The following CDH13 variants were observed in gnomAD, a reference collection of about 807,000 sequenced individuals.
The protein encoded by CDH13 is cadherin-13.
In CDH13, 24 loss-of-function variants were observed where a neutral mutation model predicts 63.8. The ratio of observed to expected loss-of-function variants is 0.38; its 90% CI spans 0.27 to 0.53. The LOEUF (loss-of-function observed/expected upper bound fraction) is 0.53. CDH13 is among the 20% of genes least tolerant of loss of function. The probability of loss-of-function intolerance (pLI) is 0.85; values close to 1 mark genes in which losing one functional copy is unlikely to be tolerated. For missense variants in CDH13, 1,049 were observed against 903.1 expected (o/e 1.16, Z -2.07); for synonymous variants, 503 against 355.3 (o/e 1.42, Z -4.67).
At chr16:83,590,903 C>CTTTTT (rs34324940) in intron 7 of CDH13, among the ~76,000 whole-genome samples, 14 of 88,846 alleles carry the variant, frequency 1.6e-4, no homozygotes, top group Admixed American at 2.6e-4. Context: ...CCAGGGGATT[C>CTTTTT]TTTTTTTTTT....
At chr16:82,788,788 G>A (rs79351177) in intron 1 of CDH13, among the ~76,000 whole-genome samples, 1 of 152,172 alleles carries the variant, frequency 6.6e-6, no homozygotes, top group Non-Finnish European at 1.5e-5. Context: ...CTGGGATGTG[G>A]AGCCCAGGTG....
chr16:82,781,903 GT>G (rs368022545), intron 1 of CDH13, among the ~76,000 whole-genome samples: 1 of 152,228 alleles, frequency 6.6e-6, no homozygotes, highest in African/African-American at 2.4e-5. Flanking sequence ...GAACTGTGCC[GT>G]GTTGCTGTGG....
intron 6 of CDH13, among the ~76,000 whole-genome samples, chr16:83,368,085 T>G (rs1271157898): frequency 6.6e-6 from 1 of 152,232 alleles, no homozygotes; most frequent in Non-Finnish European, 1.5e-5. Flanking sequence ...TCATTGTTAT[T>G]ATATTTAATC....
intron 2 of CDH13, among the ~76,000 whole-genome samples, chr16:82,925,324 G>T (rs1214310499): frequency 2.0e-5 from 3 of 152,142 alleles, no homozygotes. Flanking sequence ...CGTTGTTACT[G>T]CAGATAATTG....
chr16:83,046,334 C>T (rs188909738), intron 3 of CDH13, among the ~76,000 whole-genome samples: 13 of 152,078 alleles, frequency 8.5e-5, no homozygotes, highest in East Asian at 3.9e-4. Flanking sequence ...TGTATGTAGG[C>T]GGCCATCAAA....
At chr16:83,214,110 CGTGGAAGCTTT>C (rs554761861) in intron 4 of CDH13, among the ~76,000 whole-genome samples, 166 of 152,092 alleles carry the variant, frequency 1.1e-3, no homozygotes, top group African/African-American at 3.9e-3. Flanking sequence ...CCTTCCACAC[CGTGGAAGCTTT>C]GTTCTTTCGC....
rs117758588 is a variant in CDH13, at chr16:83,666,544, C to T, written c.1102-4246C>T. Among the ~76,000 whole-genome samples, 1,429 of 152,342 alleles carry T rather than the reference C, an allele frequency of 9.4e-3. 17 individuals carry two copies. The highest frequency in any genetic ancestry group is 0.015 in the Non-Finnish European group (1,050 of 68,030). On this transcript the variant is annotated intron_variant, in intron 8 of 13. Transcript: ENST00000567109. ...GTAAATCCCAAATGCCTTCCCATGG[C>T]CCACAGGGCCCTGCATAAGGTGACT... is the stretch of plus-strand genomic sequence containing the variant.
At chr16:82,982,260 C>T (rs1043549537) in intron 2 of CDH13, among the ~76,000 whole-genome samples, 1 of 151,970 alleles carries the variant, frequency 6.6e-6, no homozygotes, top group Non-Finnish European at 1.5e-5. Context: ...TAATACTTAT[C>T]TTATAAATAA....
At chr16:83,042,118 C>A (rs909740467) in intron 3 of CDH13, among the ~76,000 whole-genome samples, 1 of 152,190 alleles carries the variant, frequency 6.6e-6, no homozygotes, top group African/African-American at 2.4e-5. Flanking sequence ...ACACCCGACA[C>A]GCTGCAGACA....
intron 12 of CDH13, among the ~76,000 whole-genome samples, chr16:83,781,178 T>G (rs931606121): frequency 1.3e-5 from 2 of 152,208 alleles, no homozygotes; most frequent in African/African-American, 4.8e-5. Context: ...ATTCAAAACT[T>G]AACCCAACTT....
At chr16:83,187,606 C>G (rs2038566112) in intron 4 of CDH13, among the ~76,000 whole-genome samples, 1 of 152,046 alleles carries the variant, frequency 6.6e-6, no homozygotes, top group South Asian at 2.1e-4. Flanking sequence ...CAACCCGCAG[C>G]TCTGGAGTGA....
At chr16:83,790,548 C>T (rs1282252818) in intron 13 of CDH13, among the ~76,000 whole-genome samples, 3 of 152,134 alleles carry the variant, frequency 2.0e-5, no homozygotes, top group Non-Finnish European at 2.9e-5. Flanking sequence ...TACAAGCGCC[C>T]GCCACCATGC....
intron 7 of CDH13, among the ~76,000 whole-genome samples, chr16:83,535,678 T>C (rs2075168806): frequency 6.6e-6 from 1 of 152,184 alleles, no homozygotes; most frequent in South Asian, 2.1e-4. Context: ...TTAATTAACA[T>C]TTAGGCCTCA....
rs143027987 is a variant in CDH13, at chr16:83,707,670, A to G, written c.1538+29209A>G. On this transcript the variant is annotated intron_variant, in intron 10 of 13. Coordinates refer to ENST00000567109, the MANE Select transcript of CDH13 (RefSeq NM_001257.5). ...TCAGCTCTTAGATTCCCCGTGTATC[A>G]TATCCCTGACATGCCGCACTGTGCT... 1.1e-3 allele frequency among the ~76,000 whole-genome samples: 174 copies of G among 152,132 alleles called. 1 individual carries two copies. Among genetic ancestry groups the G allele is most frequent in the African/African-American group, 4.0e-3 (168 of 41,500 alleles).
At chr16:83,473,083 A>G (rs541499977) in intron 6 of CDH13, among the ~76,000 whole-genome samples, 72 of 152,258 alleles carry the variant, frequency 4.7e-4, no homozygotes, top group African/African-American at 1.5e-3. Context: ...TTAGATCTCA[A>G]TCCCAGCGCA....
chr16:83,052,130 A>G (rs1402523799), intron 3 of CDH13, among the ~76,000 whole-genome samples: 2 of 152,238 alleles, frequency 1.3e-5, no homozygotes, highest in African/African-American at 4.8e-5. Context: ...TCCGTATGCC[A>G]TGTCCATACG....
At chr16:83,252,939 C>A (rs769650563) in intron 5 of CDH13, among the ~76,000 whole-genome samples, 1 of 152,134 alleles carries the variant, frequency 6.6e-6, no homozygotes, top group African/African-American at 2.4e-5. Flanking sequence ...CCTTAATTAA[C>A]TTTCTGAACC....
In CDH13 at chr16:83,178,882, C is replaced by T. The variant is rs922211980; in HGVS notation, c.484-38463C>T. ...CCTCCCAGTGTTTGGTTCACTCTCCCCTAACTTATTAAAGTTGCTTCTGGA... is the reference window on the plus strand; with the variant it reads ...CCTCCCAGTGTTTGGTTCACTCTCCTCTAACTTATTAAAGTTGCTTCTGGA... On this transcript the variant is annotated intron_variant, in intron 4 of 13. Transcript: ENST00000567109. Among the ~76,000 whole-genome samples the T allele has an allele frequency of 3.3e-5, 5 of 152,270 alleles. No individual in the cohort carries two copies. In the South Asian group the frequency reaches 6.2e-4, roughly 19 times the overall value.
chr16:83,387,261 A>C (rs1567635800), intron 6 of CDH13, among the ~76,000 whole-genome samples: 1 of 152,168 alleles, frequency 6.6e-6, no homozygotes, highest in African/African-American at 2.4e-5. Context: ...TCCTCAACTT[A>C]AGGGCTGTTC....
Sources: allele counts gnomAD v4.1 joint callset (sites outside exome capture counted in the v4.1 genomes callset), GRCh38; gene constraint gnomAD v4.1.1; transcripts MANE v1.5; gene names NCBI Gene and HGNC (gene_info 2026-07-23, HGNC 2026-07-21).